Variants in GDF6 observed in about 807,000 individuals in gnomAD.
GDF6 encodes growth/differentiation factor 6.
Under a neutral mutation model 32.4 loss-of-function variants are expected in GDF6, and 3 were observed. That is an observed-to-expected ratio of 0.09 (90% CI 0.04 to 0.24). The LOEUF is 0.24. Among genes scored for constraint, GDF6 ranks in the 10% least tolerant of loss-of-function variants. GDF6 has a pLI of 1.00. For synonymous variants in GDF6, 296 were observed against 295.3 expected (o/e 1.00, Z -0.03); for missense variants, 589 against 637.9 (o/e 0.92, Z 0.83).
At chr8:96,147,195 C>T (rs1812500977) in intron 1 of GDF6, among the ~76,000 whole-genome samples, 1 of 152,174 alleles carries the variant, frequency 6.6e-6, no homozygotes, top group South Asian at 2.1e-4. Flanking sequence ...CGGGGCTGAC[C>T]GTAGCACTGG....
intron 1 of GDF6, among the ~76,000 whole-genome samples, chr8:96,159,216 T>C (rs192872438): frequency 7.0e-4 from 107 of 152,350 alleles, no homozygotes; most frequent in African/African-American, 2.3e-3. Flanking sequence ...TCTTCCTTCC[T>C]TCTCTTTACT....
At chr8:96,154,943 G>T (rs184648219) in intron 1 of GDF6, among the ~76,000 whole-genome samples, 1 of 152,302 alleles carries the variant, frequency 6.6e-6, no homozygotes, top group Non-Finnish European at 1.5e-5. Context: ...AGTGCCCTGC[G>T]TTCCCCGCGG....
chr8:96,148,397 A>T (rs1812517273), intron 1 of GDF6, among the ~76,000 whole-genome samples: 1 of 152,202 alleles, frequency 6.6e-6, no homozygotes, highest in Non-Finnish European at 1.5e-5. Context: ...GGCAAGAATT[A>T]TATGGCCCAG....
chr8:96,160,595 G>A lies in GDF6; in HGVS notation c.98C>T (p.Ser33Leu). The change falls in exon 1 of 2, where the codon TCG (serine) becomes TTG (leucine). Residue 33 changes from serine (S) to leucine (L), a missense_variant. By Grantham distance (145) the Ser-to-Leu change is moderately radical. Coordinates refer to ENST00000287020, the MANE Select transcript of GDF6 (RefSeq NM_001001557.4). The part of the protein sequence containing the change: ...FQQASISSSS[S>L]SAELGSTKGM... Reference sequence around the variant, plus strand: ...CTTGGTGGAACCCAGCTCGGCGGACGACGAGGAGGATGAGATGGAAGCCTG... The same window carrying A: ...CTTGGTGGAACCCAGCTCGGCGGACAACGAGGAGGATGAGATGGAAGCCTG... 1 of 1,613,550 alleles carries A rather than the reference G, an allele frequency of 6.2e-7. No individual in the cohort carries two copies. Among genetic ancestry groups the A allele is most frequent in the Non-Finnish European group, 8.5e-7 (1 of 1,179,724 alleles).
chr8:96,159,532 G>A (rs1467316342), intron 1 of GDF6, among the ~76,000 whole-genome samples: 1 of 152,180 alleles, frequency 6.6e-6, no homozygotes, highest in Non-Finnish European at 1.5e-5. Context: ...GAGAAAGGTG[G>A]ATGGGCATAC....
chr8:96,151,681 G>A (rs538684169), intron 1 of GDF6, among the ~76,000 whole-genome samples: 1 of 152,332 alleles, frequency 6.6e-6, no homozygotes, highest in East Asian at 1.9e-4. Context: ...AATTAACAGG[G>A]CCACAGAGGG....
At position 96,144,925 on chromosome 8, in the gene GDF6, T is replaced by TGCG. The variant is rs2130205777; in HGVS notation, c.1003_1005dup (p.Arg335dup). The TGCG allele has an allele frequency of 7.5e-6, 12 of 1,600,544 alleles. No individual in the cohort carries two copies. Among genetic ancestry groups the TGCG allele is most frequent in the Non-Finnish European group, 9.4e-6 (11 of 1,174,122 alleles). The stretch of plus-strand genomic sequence containing the variant: ...TTGCCATGGCGACTGGCGAAGGCCG[T>TGCG]GCGCCGCCGCCGGCGGCCGGGCGAG... On this transcript the variant is annotated inframe_insertion, in exon 2 of 2. Transcript: ENST00000287020. The surrounding 1 kb of genome is among the most constrained non-coding windows in gnomAD (Gnocchi z 5.1).
intron 1 of GDF6, among the ~76,000 whole-genome samples, chr8:96,154,621 G>T (rs1812628903): frequency 6.6e-6 from 1 of 152,164 alleles, no homozygotes; most frequent in Non-Finnish European, 1.5e-5. Flanking sequence ...GGTCCAAAGA[G>T]TGTCGTTTGA....
At chr8:96,146,697 C>CAT (rs1326878791) in intron 1 of GDF6, among the ~76,000 whole-genome samples, 1 of 127,012 alleles carries the variant, frequency 7.9e-6, no homozygotes, top group Non-Finnish European at 1.7e-5. Flanking sequence ...CACACACACA[C>CAT]ACACACACAC....
At chr8:96,160,200 A>C in intron 1 of GDF6, 87 bp downstream of exon 1, 1 of 1,307,920 alleles carries the variant, frequency 7.6e-7, no homozygotes, top group Non-Finnish European at 1.1e-6. Flanking sequence ...CAGGAAGGGA[A>C]TTCACAAATG....
In GDF6 at chr8:96,144,357, CA is replaced by C; in HGVS notation, c.*205del. The C allele has an allele frequency of 1.9e-6, 1 of 515,520 alleles. No individual in the cohort carries two copies. The highest frequency in any genetic ancestry group is 3.4e-6 in the Non-Finnish European group (1 of 291,856). The allele number at this position is 515,520 out of a possible 1,614,324, so 31.9% of individuals were successfully genotyped here. On this transcript the variant is annotated 3_prime_UTR_variant, in exon 2 of 2. Coordinates refer to ENST00000287020, the MANE Select transcript of GDF6 (RefSeq NM_001001557.4). This position sits in a 1 kb window ranked among gnomAD's most constrained non-coding sequence, Gnocchi z 5.1. ...GGTGGCCAGGCAAGGTGTGAAAATC[CA>C]TATTTCCCTCTGGGCTGGCAGGTAG...
chr8:96,153,142 C>A (rs934896860), intron 1 of GDF6, among the ~76,000 whole-genome samples: 1 of 152,244 alleles, frequency 6.6e-6, no homozygotes, highest in African/African-American at 2.4e-5. Context: ...AGCCCTCTCC[C>A]GTGAGTGCTG....
Position 96,160,419 on chromosome 8 carries a change from C to A in GDF6, c.274G>T (p.Val92Leu). ...AQEPPGRGPR[V>L]VPHEYMLSIY... The stretch of plus-strand genomic sequence containing the variant: ...GACAGCATGTACTCGTGGGGCACCA[C>A]GCGCGGACCCCTGCCTGGCGGCTCC... The change falls in exon 1 of 2, where the codon GTG becomes TTG. Residue 92 changes from valine to leucine, a missense_variant. Physicochemically the swap from Val to Leu is conservative, Grantham distance 32. Around this residue, in one of 2 missense-constraint regions of GDF6, gnomAD observed 436 missense variants for 411.2 expected, o/e 1.06. Transcript: ENST00000287020. 1 of 1,614,130 alleles carries A rather than the reference C, an allele frequency of 6.2e-7. No homozygotes were observed. The highest frequency in any genetic ancestry group is 8.5e-7 in the Non-Finnish European group (1 of 1,179,980).
At chr8:96,152,302 T>G (rs1204905208) in intron 1 of GDF6, among the ~76,000 whole-genome samples, 1 of 152,128 alleles carries the variant, frequency 6.6e-6, no homozygotes, top group Admixed American at 6.5e-5. Context: ...ACAGATGACC[T>G]CCACCCCAGC....
At chr8:96,156,410 C>A (rs62516289) in intron 1 of GDF6, among the ~76,000 whole-genome samples, 25 of 140,994 alleles carry the variant, frequency 1.8e-4, no homozygotes, top group African/African-American at 6.3e-4. Context: ...CTCTCTTTCC[C>A]TCTCTCTCTC....
chr8:96,155,894 G>T (rs1369038284), intron 1 of GDF6, among the ~76,000 whole-genome samples: 1 of 152,118 alleles, frequency 6.6e-6, no homozygotes, highest in Admixed American at 6.5e-5. Context: ...CTGCGGCTCA[G>T]GTCCACCCAG....
At chr8:96,154,352 A>G (rs1169032704) in intron 1 of GDF6, among the ~76,000 whole-genome samples, 4 of 152,148 alleles carry the variant, frequency 2.6e-5, no homozygotes, top group Non-Finnish European at 5.9e-5. Context: ...CCTCACCCCA[A>G]GTGGACCCAA....
At chr8:96,150,805 C>G (rs1268258813) in intron 1 of GDF6, among the ~76,000 whole-genome samples, 1 of 152,246 alleles carries the variant, frequency 6.6e-6, no homozygotes, top group South Asian at 2.1e-4. Context: ...ATAGCTTCAT[C>G]ATTAGTGTAA....
chr8:96,149,136 A>T (rs1445460511), intron 1 of GDF6, among the ~76,000 whole-genome samples: 1 of 152,212 alleles, frequency 6.6e-6, no homozygotes, highest in Non-Finnish European at 1.5e-5. Flanking sequence ...GTATAAATGA[A>T]GACTGATGTC....
Sources: gnomAD v4.1 joint callset for allele counts (sites outside exome capture counted in the v4.1 genomes callset) on GRCh38, gnomAD v4.1.1 for gene constraint, gnomAD v4.1.1 regional missense constraint, Gnocchi (gnomAD v3.1) non-coding constraint, MANE v1.5 for transcripts, NCBI Gene and HGNC (gene_info 2026-07-23, HGNC 2026-07-21) for gene names.